The following NKAIN3 variants were observed in gnomAD, a reference collection of about 807,000 sequenced individuals.
The protein encoded by NKAIN3 is sodium/potassium transporting ATPase interacting 3.
NKAIN3 carries 25 observed loss-of-function variants against 30.2 expected under a neutral mutation model. That is an observed-to-expected ratio of 0.83 (90% CI 0.60 to 1.16). The LOEUF is 1.16. Ranked by LOEUF, NKAIN3 falls within the 50% of genes most tolerant of loss-of-function variation. The pLI is 0.00. For synonymous variants in NKAIN3, 91 were observed against 89.6 expected (o/e 1.02, Z -0.09); for missense variants, 225 against 254.1 (o/e 0.89, Z 0.78).
intron 1 of NKAIN3, among the ~76,000 whole-genome samples, chr8:62,390,414 T>A (rs936578319): frequency 6.6e-6 from 1 of 152,212 alleles, no homozygotes; most frequent in Non-Finnish European, 1.5e-5. Context: ...CCATGGTGTA[T>A]ATGTACAACA....
chr8:62,456,287 C>T (rs1000965013), intron 1 of NKAIN3, among the ~76,000 whole-genome samples: 5 of 152,016 alleles, frequency 3.3e-5, no homozygotes, highest in Admixed American at 6.6e-5. Flanking sequence ...TTTGGGAGGC[C>T]GACGTGGGCG....
intron 1 of NKAIN3, among the ~76,000 whole-genome samples, chr8:62,364,606 G>A (rs535248537): frequency 5.3e-5 from 8 of 152,006 alleles, no homozygotes; most frequent in South Asian, 4.2e-4. Context: ...ACTTTGGGAG[G>A]CCGATGCGGG....
chr8:62,644,457 GACACTTTTAGACT>G (rs989387630), intron 3 of NKAIN3, among the ~76,000 whole-genome samples: 2 of 151,882 alleles, frequency 1.3e-5, no homozygotes, highest in Non-Finnish European at 2.9e-5. Context: ...CTTTCAAAAT[GACACTTTTAGACT>G]ACCCAAATAA....
chr8:62,922,112 G>A (rs1586350250), intron 5 of NKAIN3, among the ~76,000 whole-genome samples: 1 of 152,108 alleles, frequency 6.6e-6, no homozygotes, highest in Non-Finnish European at 1.5e-5. Flanking sequence ...TCAGATGTGG[G>A]TTCAATATTT....
At chr8:62,711,739 G>A (rs867662910) in intron 3 of NKAIN3, among the ~76,000 whole-genome samples, 8 of 152,054 alleles carry the variant, frequency 5.3e-5, no homozygotes, top group South Asian at 4.1e-4. Flanking sequence ...TCTTTTTCAG[G>A]TAAATCATGC....
rs187782119 is a variant in NKAIN3, at chr8:62,425,710, T to A, written c.55-153829T>A. The stretch of plus-strand genomic sequence containing the variant: ...AGAGTAGTTAATTTGGCTAGAAAAA[T>A]TATTTTTTAAAGAATGATAAATTGA... On this transcript the variant is annotated intron_variant, in intron 1 of 6. Coordinates refer to ENST00000623646, the MANE Select transcript of NKAIN3 (RefSeq NM_001304533.3). Among the ~76,000 whole-genome samples, 1,253 of 151,198 alleles carry A rather than the reference T, an allele frequency of 8.3e-3. 11 individuals carry two copies. Among genetic ancestry groups the A allele is most frequent in the Non-Finnish European group, 0.015 (1,004 of 67,892 alleles).
At chr8:62,422,852 T>A (rs1008030909) in intron 1 of NKAIN3, among the ~76,000 whole-genome samples, 1 of 152,176 alleles carries the variant, frequency 6.6e-6, no homozygotes, top group Non-Finnish European at 1.5e-5. Flanking sequence ...GGAAATAGAA[T>A]AATTTAAAAA....
intron 4 of NKAIN3, among the ~76,000 whole-genome samples, chr8:62,851,090 A>G (rs1819880411): frequency 6.6e-6 from 1 of 152,050 alleles, no homozygotes; most frequent in Non-Finnish European, 1.5e-5. Context: ...ACCCATGAGC[A>G]TGGAATGTTC....
chr8:62,891,103 T>C (rs1821284039), intron 4 of NKAIN3, among the ~76,000 whole-genome samples: 2 of 152,202 alleles, frequency 1.3e-5, no homozygotes, highest in African/African-American at 4.8e-5. Context: ...TTCCTGGGTA[T>C]GTCTGTGAGG....
At position 62,711,463 on chromosome 8, in the gene NKAIN3, T is replaced by C. The variant is rs144879466; in HGVS notation, c.274-35469T>C. On this transcript the variant is annotated intron_variant, in intron 3 of 6. Coordinates refer to ENST00000623646, the MANE Select transcript of NKAIN3 (RefSeq NM_001304533.3). ...TTTTTCTTTCTTTGTCTTTGTTGGA[T>C]TGGGTTAATTGGAAGACCTTGTCTT... Among the ~76,000 whole-genome samples the C allele has an allele frequency of 4.5e-3, 682 of 152,268 alleles. 2 individuals are homozygous for C. Among genetic ancestry groups the C allele is most frequent in the African/African-American group, 0.014 (602 of 41,564 alleles).
intron 1 of NKAIN3, among the ~76,000 whole-genome samples, chr8:62,271,614 C>T (rs769465804): frequency 6.6e-6 from 1 of 152,142 alleles, no homozygotes; most frequent in Non-Finnish European, 1.5e-5. Context: ...TAAATAGACT[C>T]ATGTTAGCTG....
At chr8:62,409,711 T>C (rs1381660364) in intron 1 of NKAIN3, among the ~76,000 whole-genome samples, 1 of 152,058 alleles carries the variant, frequency 6.6e-6, no homozygotes, top group African/African-American at 2.4e-5. Context: ...TGTTGTTTGT[T>C]AAGGCTAAGA....
intron 4 of NKAIN3, among the ~76,000 whole-genome samples, chr8:62,828,212 T>G (rs1213419473): frequency 6.6e-6 from 1 of 152,180 alleles, no homozygotes; most frequent in African/African-American, 2.4e-5. Flanking sequence ...ATAAAACTAT[T>G]GTTACATAAA....
chr8:62,816,082 A>T (rs1454189670), intron 4 of NKAIN3, among the ~76,000 whole-genome samples: 1 of 151,956 alleles, frequency 6.6e-6, no homozygotes, highest in African/African-American at 2.4e-5. Flanking sequence ...TGAGAGTGTC[A>T]TGTTTCCTTG....
At chr8:62,449,166 T>C (rs1457263137) in intron 1 of NKAIN3, among the ~76,000 whole-genome samples, 2 of 151,982 alleles carry the variant, frequency 1.3e-5, no homozygotes, top group Non-Finnish European at 2.9e-5. Flanking sequence ...TAACTGGCCT[T>C]TAGAAGCAGT....
intron 1 of NKAIN3, among the ~76,000 whole-genome samples, chr8:62,271,219 T>G (rs1175478601): frequency 6.6e-6 from 1 of 152,208 alleles, no homozygotes; most frequent in Non-Finnish European, 1.5e-5. Flanking sequence ...ACCCAAACTT[T>G]CAACAAAATA....
chr8:62,381,527 T>C (rs577730463), intron 1 of NKAIN3, among the ~76,000 whole-genome samples: 4 of 152,162 alleles, frequency 2.6e-5, no homozygotes, highest in Non-Finnish European at 4.4e-5. Flanking sequence ...CACATATACA[T>C]ATATATATTA....
At chr8:62,662,386 A>G (rs1037256322) in intron 3 of NKAIN3, among the ~76,000 whole-genome samples, 3 of 152,180 alleles carry the variant, frequency 2.0e-5, no homozygotes, top group Admixed American at 2.0e-4. Context: ...GTGTCTTTCT[A>G]GGCTTCTCTT....
intron 4 of NKAIN3, among the ~76,000 whole-genome samples, chr8:62,852,312 G>A (rs556843949): frequency 9.9e-5 from 15 of 151,820 alleles, no homozygotes; most frequent in East Asian, 5.8e-4. Context: ...CCCCTTTATC[G>A]TTTTTTATTG....
Sources: gnomAD v4.1 joint callset for allele counts (sites outside exome capture counted in the v4.1 genomes callset) on GRCh38, gnomAD v4.1.1 for gene constraint, MANE v1.5 for transcripts, NCBI Gene and HGNC (gene_info 2026-07-23, HGNC 2026-07-21) for gene names.